The following MYT1L variants were observed in gnomAD, a reference collection of about 807,000 sequenced individuals.
MYT1L encodes the protein myelin transcription factor 1 like.
A neutral mutation model predicts 126.7 loss-of-function variants in MYT1L; 12 were observed. That is an observed-to-expected ratio of 0.09 (90% CI 0.06 to 0.15). MYT1L has a LOEUF of 0.15. Among genes scored for constraint, MYT1L ranks in the 10% least tolerant of loss-of-function variants. The pLI is 1.00. For missense variants in MYT1L, 979 were observed against 1,585.2 expected, an observed-to-expected ratio of 0.62 and a Z score of 6.49; for synonymous variants, 541 against 604.2, an observed-to-expected ratio of 0.90 and a Z score of 1.53.
At chr2:1,810,397 C>T (rs2036412373) in intron 21 of MYT1L, among the ~76,000 whole-genome samples, 1 of 152,138 alleles carries the variant, frequency 6.6e-6, no homozygotes, top group East Asian at 1.9e-4. Flanking sequence ...GCCTTGGCCT[C>T]CCAAAGTGCT....
intron 3 of MYT1L, among the ~76,000 whole-genome samples, chr2:2,070,214 A>G (rs2074426969): frequency 6.6e-6 from 1 of 152,190 alleles, no homozygotes; most frequent in South Asian, 2.1e-4. Context: ...TAGTAAATTT[A>G]TCATTCTTAC....
chr2:2,252,200 G>A (rs940154501), intron 2 of MYT1L, among the ~76,000 whole-genome samples: 1 of 152,078 alleles, frequency 6.6e-6, no homozygotes, highest in Non-Finnish European at 1.5e-5. Context: ...GTGTCCAAAT[G>A]GTCTGACCCA....
intron 4 of MYT1L, among the ~76,000 whole-genome samples, chr2:2,030,932 A>G (rs1434875171): frequency 6.6e-6 from 1 of 152,220 alleles, no homozygotes; most frequent in African/African-American, 2.4e-5. Context: ...TAAAGTCCGT[A>G]TTAAATTTTG....
chr2:1,892,684 T>G (rs1307253510), intron 14 of MYT1L, among the ~76,000 whole-genome samples: 1 of 151,980 alleles, frequency 6.6e-6, no homozygotes, highest in African/African-American at 2.4e-5. Flanking sequence ...CAAATCCCAG[T>G]CGAGGCCCTA....
intron 3 of MYT1L, among the ~76,000 whole-genome samples, chr2:2,161,931 C>T (rs1009257598): frequency 3.9e-5 from 6 of 152,236 alleles, no homozygotes; most frequent in African/African-American, 9.6e-5. Flanking sequence ...GTCCGAGAAC[C>T]GTTCTTTGAA....
chr2:2,241,861 A>G (rs1365440325), intron 2 of MYT1L, among the ~76,000 whole-genome samples: 1 of 152,188 alleles, frequency 6.6e-6, no homozygotes, highest in Admixed American at 6.5e-5. Flanking sequence ...GTACAATGCC[A>G]CTCACATGAG....
At chr2:1,933,763 T>C (rs2055344163) in intron 9 of MYT1L, among the ~76,000 whole-genome samples, 1 of 152,126 alleles carries the variant, frequency 6.6e-6, no homozygotes. Context: ...GGACATTCTG[T>C]GTGGACACTG....
rs560422104 is a variant in MYT1L, at chr2:1,823,803, G to C, written c.3081-14636C>G. ...AGGCGTGTTCAGCCCTGCACTGCCA[G>C]TGGTGGCGGCCCTCGTCCCGTGTGG... is the stretch of plus-strand genomic sequence containing the variant. On this transcript the variant is annotated intron_variant, in intron 21 of 24. Transcript: ENST00000647738. Among the ~76,000 whole-genome samples the C allele has an allele frequency of 1.1e-4, 16 of 152,372 alleles. No homozygotes were observed. In the South Asian group the frequency reaches 3.3e-3, roughly 32 times the overall value.
chr2:1,928,021 A>G (rs1023722199), intron 9 of MYT1L, among the ~76,000 whole-genome samples: 12 of 152,040 alleles, frequency 7.9e-5, no homozygotes, highest in Non-Finnish European at 1.5e-4. Flanking sequence ...TGGCACAATC[A>G]CAGCTCACTG....
chr2:2,150,024 CT>C (rs2085489502), intron 3 of MYT1L, among the ~76,000 whole-genome samples: 1 of 152,290 alleles, frequency 6.6e-6, no homozygotes, highest in African/African-American at 2.4e-5. Flanking sequence ...CTAAAAAGTG[CT>C]TTTCCTCTCT....
At chr2:2,274,428 T>C (rs2149360304) in intron 2 of MYT1L, among the ~76,000 whole-genome samples, 1 of 152,192 alleles carries the variant, frequency 6.6e-6, no homozygotes, top group Middle Eastern at 3.4e-3. Context: ...TCAAATGTCA[T>C]TGGAATTTAC....
intron 10 of MYT1L, among the ~76,000 whole-genome samples, chr2:1,921,350 C>G (rs1444679697): frequency 1.3e-5 from 2 of 152,120 alleles, no homozygotes; most frequent in Non-Finnish European, 2.9e-5. Flanking sequence ...TAGAACCTGC[C>G]TCATATTGAA....
At position 1,881,357 on chromosome 2, in the gene MYT1L, TG is replaced by T. The variant is rs2047518908; in HGVS notation, c.2711+5181del. Among the ~76,000 whole-genome samples the T allele has an allele frequency of 6.8e-4, 7 of 10,322 alleles. No homozygotes were observed. The East Asian group carries it at 0.1, about 152-fold the overall frequency. 6.8% of individuals were successfully genotyped at this position (10,322 alleles called of 152,430 possible). A position where few individuals can be genotyped will look rare whatever the true frequency, so the allele number is the denominator to read the frequency against. ...GGTTTATTGTTGGTTTGCAGGTTCG[TG>T]TGTGTGTGTGTGTGTGTGTGTGTGT... On this transcript the variant is annotated intron_variant, in intron 18 of 24. Coordinates refer to ENST00000647738, the MANE Select transcript of MYT1L (RefSeq NM_001303052.2).
At chr2:2,097,935 G>C (rs2077624346) in intron 3 of MYT1L, among the ~76,000 whole-genome samples, 1 of 152,104 alleles carries the variant, frequency 6.6e-6, no homozygotes, top group South Asian at 2.1e-4. Flanking sequence ...TTCTTGTTCT[G>C]AGTTCATGTA....
chr2:2,084,037 G>C (rs1432024835), intron 3 of MYT1L, among the ~76,000 whole-genome samples: 3 of 150,952 alleles, frequency 2.0e-5, no homozygotes, highest in Admixed American at 2.0e-4. Flanking sequence ...AGACTGAGAG[G>C]GCTAACAAGG....
chr2:2,055,876 C>G (rs759788568), intron 3 of MYT1L, among the ~76,000 whole-genome samples: 1 of 152,172 alleles, frequency 6.6e-6, no homozygotes, highest in African/African-American at 2.4e-5. Flanking sequence ...ATAGATTCAT[C>G]GTGTTGTCCA....
At chr2:2,278,772 T>A (rs145399955) in intron 2 of MYT1L, among the ~76,000 whole-genome samples, 47 of 152,332 alleles carry the variant, frequency 3.1e-4, no homozygotes, top group Non-Finnish European at 5.1e-4. Context: ...CCTGGCTATA[T>A]TTTAACACCA....
chr2:1,969,222 C>T (rs72767320), intron 8 of MYT1L, among the ~76,000 whole-genome samples: 31,388 of 151,928 alleles, frequency 0.21, 3,480 homozygotes, highest in East Asian at 0.31. Context: ...GCGGGGGATG[C>T]GGGCAGGTGG....
intron 2 of MYT1L, among the ~76,000 whole-genome samples, chr2:2,216,834 G>C (rs1017604332): frequency 1.3e-5 from 2 of 151,996 alleles, no homozygotes; most frequent in African/African-American, 4.8e-5. Context: ...TCAGGAGTAA[G>C]AGAGAAAATG....
Sources: allele counts gnomAD v4.1 joint callset (sites outside exome capture counted in the v4.1 genomes callset), GRCh38; gene constraint gnomAD v4.1.1; transcripts MANE v1.5; gene names NCBI Gene and HGNC (gene_info 2026-07-23, HGNC 2026-07-21).